ERC1: variants seen among roughly 807,000 people sequenced by gnomAD.
ERC1 encodes ELKS/RAB6-interacting/CAST family member 1.
Under a neutral mutation model 132.0 loss-of-function variants are expected in ERC1, and 56 were observed. The ratio of observed to expected loss-of-function variants is 0.42; its 90% CI spans 0.34 to 0.53. The LOEUF (loss-of-function observed/expected upper bound fraction) is 0.53, where lower values mean the gene tolerates loss of function less well. Among genes scored for constraint, ERC1 ranks in the 20% least tolerant of loss-of-function variants. The pLI is 0.03. For missense variants in ERC1, 1,202 were observed against 1,349.9 expected (o/e 0.89, Z 1.72); for synonymous variants, 478 against 476.1 (o/e 1.00, Z -0.05).
chr12:1,198,772 G>GGA (rs138296601), intron 12 of ERC1, among the ~76,000 whole-genome samples: 6,523 of 152,202 alleles, frequency 0.043, 486 homozygotes, highest in African/African-American at 0.15. Context: ...ATGGCCGGCA[G>GGA]GAGAGAGAGA....
At position 1,284,265 on chromosome 12, in the gene ERC1, CGTGTGTGTGTGT is replaced by C. The variant is rs71055142; in HGVS notation, c.2620-5554_2620-5543del. Among the ~76,000 whole-genome samples the C allele has an allele frequency of 7.1e-3, 998 of 140,192 alleles. 12 individuals carry two copies. The highest frequency in any genetic ancestry group is 0.064 in the East Asian group (300 of 4,652). The allele number at this position is 140,192 out of a possible 152,430, so 92.0% of individuals were successfully genotyped here. A position where few individuals can be genotyped will look rare whatever the true frequency, so the allele number is the denominator to read the frequency against. Reference sequence around the variant, plus strand: ...ATTCTTTTTATGGCTGAATAGTATTCGTGTGTGTGTGTGTGTGTGTGTGTGTGTGTGTGTGTG... The same window carrying C: ...ATTCTTTTTATGGCTGAATAGTATTCGTGTGTGTGTGTGTGTGTGTGTGTG... On this transcript the variant is annotated intron_variant, in intron 14 of 18. Transcript: ENST00000360905.
At chr12:1,468,430 C>T (rs771057913) in intron 18 of ERC1, among the ~76,000 whole-genome samples, 29 of 152,200 alleles carry the variant, frequency 1.9e-4, no homozygotes, top group Non-Finnish European at 2.6e-4. Flanking sequence ...TGGTGAAACC[C>T]ATCTCTACTA....
intron 18 of ERC1, among the ~76,000 whole-genome samples, chr12:1,446,876 G>A (rs1012598613): frequency 1.3e-4 from 20 of 152,012 alleles, no homozygotes; most frequent in Non-Finnish European, 1.0e-4. Context: ...TAAATTCAGC[G>A]AGGTGCTGTG....
At chr12:1,076,190 T>C (rs1941306859) in intron 2 of ERC1, among the ~76,000 whole-genome samples, 1 of 152,342 alleles carries the variant, frequency 6.6e-6, no homozygotes, top group African/African-American at 2.4e-5. Flanking sequence ...CCTGTACTTT[T>C]GCTGTGCTTC....
intron 15 of ERC1, among the ~76,000 whole-genome samples, chr12:1,357,657 G>A (rs184483382): frequency 2.0e-5 from 3 of 152,326 alleles, no homozygotes; most frequent in African/African-American, 4.8e-5. Flanking sequence ...TGGGAAGATT[G>A]TATTCTGAAA....
At chr12:1,148,762 C>A (rs1950592427) in intron 8 of ERC1, among the ~76,000 whole-genome samples, 1 of 152,074 alleles carries the variant, frequency 6.6e-6, no homozygotes, top group Non-Finnish European at 1.5e-5. Flanking sequence ...CCACCTCGCC[C>A]AGCTAATTTT....
At chr12:1,259,039 T>A (rs1039163641) in intron 13 of ERC1, among the ~76,000 whole-genome samples, 1 of 152,226 alleles carries the variant, frequency 6.6e-6, no homozygotes, top group Non-Finnish European at 1.5e-5. Flanking sequence ...TATTGATTTC[T>A]TCATAGTGCA....
intron 16 of ERC1, among the ~76,000 whole-genome samples, chr12:1,401,680 TACTTGGC>T (rs1433900057): frequency 6.7e-6 from 1 of 149,828 alleles, no homozygotes; most frequent in Non-Finnish European, 1.5e-5. Context: ...GCTCTCAGAA[TACTTGGC>T]ACTTAGTAAG....
At chr12:1,229,913 A>G (rs1435805720) in intron 12 of ERC1, among the ~76,000 whole-genome samples, 2 of 151,628 alleles carry the variant, frequency 1.3e-5, no homozygotes, top group Non-Finnish European at 2.9e-5. Context: ...GTTTATTGCC[A>G]TAAACTTGTC....
chr12:1,183,227 A>T (rs917072142), intron 10 of ERC1, 54 bp from the exon 11 acceptor site: 2 of 1,253,554 alleles, frequency 1.6e-6, no homozygotes, highest in African/African-American at 3.1e-5. Flanking sequence ...TTAAAAATTT[A>T]AACCTCTATT....
chr12:1,418,653 C>CTTT (rs1178751036), intron 17 of ERC1, among the ~76,000 whole-genome samples: 25 of 132,648 alleles, frequency 1.9e-4, no homozygotes, highest in African/African-American at 5.8e-4. Context: ...CTCTCTCTCT[C>CTTT]TCTCTCTCTT....
chr12:1,254,668 C>T (rs2076677613), intron 13 of ERC1, among the ~76,000 whole-genome samples: 1 of 152,120 alleles, frequency 6.6e-6, no homozygotes, highest in Non-Finnish European at 1.5e-5. Flanking sequence ...TGTGCATCAC[C>T]ACCCAGGATA....
intron 16 of ERC1, among the ~76,000 whole-genome samples, chr12:1,400,908 ATTTTTGTATTT>A (rs1475001108): frequency 6.9e-5 from 3 of 43,400 alleles, no homozygotes; most frequent in African/African-American, 1.3e-4. Context: ...TGTTTTGGCT[ATTTTTGTATTT>A]TTTTTTTTTT....
chr12:1,129,002 T>C (rs907319181), intron 7 of ERC1, among the ~76,000 whole-genome samples: 7 of 152,174 alleles, frequency 4.6e-5, no homozygotes, highest in East Asian at 3.8e-4. Context: ...GCCCAACTTA[T>C]ATGTAGGAGT....
intron 2 of ERC1, among the ~76,000 whole-genome samples, chr12:1,031,663 A>G (rs550390003): frequency 6.6e-6 from 1 of 152,330 alleles, no homozygotes; most frequent in South Asian, 2.1e-4. Context: ...CAAAATTTGA[A>G]TGTTTTAATA....
In ERC1 at chr12:1,493,548, A is replaced by AAAAAAAATATATATATATAT. The variant is rs56939346; in HGVS notation, c.*3319_*3320insAAAAAATATATATATATATA. On this transcript the variant is annotated 3_prime_UTR_variant, in exon 19 of 19. Transcript: ENST00000360905. Reference sequence around the variant, plus strand: ...ACTCCATTTAAAAAAAAAAAAAAAAAATATATATATATATATATATATATA... The same window carrying AAAAAAAATATATATATATAT: ...ACTCCATTTAAAAAAAAAAAAAAAAAAAAAAAATATATATATATATATATATATATATATATATATATATA... 5 of 13,618 alleles carry AAAAAAAATATATATATATAT rather than the reference A, an allele frequency of 3.7e-4. No individual in the cohort carries two copies. The highest frequency in any genetic ancestry group is 6.6e-4 in the African/African-American group (3 of 4,562). The allele number at this position is 13,618 out of a possible 1,614,324, so 0.8% of individuals were successfully genotyped here. A position where few individuals can be genotyped will look rare whatever the true frequency, so the allele number is the denominator to read the frequency against.
chr12:1,382,321 G>A (rs774063311), intron 16 of ERC1, among the ~76,000 whole-genome samples: 1 of 152,182 alleles, frequency 6.6e-6, no homozygotes, highest in Non-Finnish European at 1.5e-5. Flanking sequence ...AGCAGAAAAA[G>A]AACTGTGAGA....
chr12:1,115,028 T>C (rs1946300440), intron 6 of ERC1, among the ~76,000 whole-genome samples: 1 of 152,210 alleles, frequency 6.6e-6, no homozygotes, highest in South Asian at 2.1e-4. Flanking sequence ...AAAAGATAAC[T>C]TTTTGTTTCA....
chr12:1,073,518 G>A (rs73035156), intron 2 of ERC1, among the ~76,000 whole-genome samples: 7,343 of 150,986 alleles, frequency 0.049, 252 homozygotes, highest in African/African-American at 0.089. Flanking sequence ...GGGTGGTGGC[G>A]TACACCTGTA....
Sources: allele counts gnomAD v4.1 joint callset (sites outside exome capture counted in the v4.1 genomes callset), GRCh38; gene constraint gnomAD v4.1.1; transcripts MANE v1.5; gene names NCBI Gene and HGNC (gene_info 2026-07-23, HGNC 2026-07-21).